The following SPRY4 variants were observed in gnomAD, a reference collection of about 807,000 sequenced individuals.
The protein encoded by SPRY4 is sprouty RTK signaling antagonist 4.
In SPRY4, 7 loss-of-function variants were observed where a neutral mutation model predicts 17.0. The ratio of observed to expected loss-of-function variants is 0.41; its 90% CI spans 0.23 to 0.77. The LOEUF (loss-of-function observed/expected upper bound fraction) is 0.77. Among genes scored for constraint, SPRY4 ranks in the 30% least tolerant of loss-of-function variants. The pLI is 0.32. For missense variants in SPRY4, 435 were observed against 419.9 expected (o/e 1.04, Z -0.31); for synonymous variants, 183 against 174.1 (o/e 1.05, Z -0.40).
At chr5:142,317,881 G>A in intron 1 of SPRY4, 2 of 985,384 alleles carry the variant, frequency 2.0e-6, no homozygotes, top group Non-Finnish European at 2.4e-6. Flanking sequence ...CCAGACATGG[G>A]GATGGGAGCT....
Position 142,314,874 on chromosome 5 carries a change from C to A in SPRY4, c.235G>T (p.Ala79Ser). Residue 79 changes from alanine to serine, a missense_variant, in exon 2 of 2, where the codon GCC (alanine) becomes TCC (serine). Physicochemically the swap from Ala to Ser is moderately conservative, Grantham distance 99. Coordinates refer to ENST00000434127, the MANE Select transcript of SPRY4 (RefSeq NM_001127496.3). This position sits in a 1 kb window ranked among gnomAD's most constrained non-coding sequence, Gnocchi z 4.8. ...TGGGTGACATCCTGGTCACAGCGGG[C>A]GGGCGTCGGGGCCAGCTCTGGGGCC... is the stretch of plus-strand genomic sequence containing the variant. ...GGAPELAPTP[A>S]RCDQDVTHHW... 1 of 1,595,658 alleles carries A rather than the reference C, an allele frequency of 6.3e-7. No homozygotes were observed. Among genetic ancestry groups the A allele is most frequent in the Non-Finnish European group, 8.6e-7 (1 of 1,168,920 alleles).
chr5:142,321,241 C>T (rs1759336438), intron 1 of SPRY4, among the ~76,000 whole-genome samples: 1 of 152,218 alleles, frequency 6.6e-6, no homozygotes, highest in Non-Finnish European at 1.5e-5. Flanking sequence ...CAATAATAAC[C>T]ATGAGCATGG....
chr5:142,324,738 G>C (rs756000450), intron 1 of SPRY4, 106 bp downstream of exon 1: 2 of 152,714 alleles, frequency 1.3e-5, no homozygotes, highest in Non-Finnish European at 2.9e-5. Context: ...AAGGAACACT[G>C]AGGCGCGCCT....
intron 1 of SPRY4, among the ~76,000 whole-genome samples, chr5:142,321,279 T>C (rs1047320952): frequency 6.6e-6 from 1 of 152,220 alleles, no homozygotes; most frequent in Non-Finnish European, 1.5e-5. Flanking sequence ...CACTAGCAGC[T>C]CTGCTGGCCT....
rs925832299 is a variant in SPRY4, at chr5:142,313,033, C to G, written c.*1176G>C. The G allele has an allele frequency of 6.6e-6, 1 of 152,604 alleles. No homozygotes were observed. The highest frequency in any genetic ancestry group is 1.5e-5 in the Non-Finnish European group (1 of 68,060). 9.5% of individuals were successfully genotyped at this position (152,604 alleles called of 1,614,324 possible). ...CATCACTATACACAAAAGGCTATGACAGTGAGCAGCAGAATCAGAAGAGAA... is the reference window on the plus strand; with the variant it reads ...CATCACTATACACAAAAGGCTATGAGAGTGAGCAGCAGAATCAGAAGAGAA... On this transcript the variant is annotated 3_prime_UTR_variant, in exon 2 of 2. Transcript: ENST00000434127.
rs1173208372 is a variant in SPRY4, at chr5:142,314,674, G to T, written c.435C>A (p.Gly145=). ...TGTCCAGCTCGGGTGGGACCGCCGGGCCCTTGAGGTCCAGCGGCTGGCAGT... is the reference window on the plus strand; with the variant it reads ...TGTCCAGCTCGGGTGGGACCGCCGGTCCCTTGAGGTCCAGCGGCTGGCAGT... ...VVHCQPLDLK[G]PAVPPELDKH... The change falls in exon 2 of 2, where the codon GGC becomes GGA. Residue 145 remains glycine (G), a synonymous_variant. Coordinates refer to ENST00000434127, the MANE Select transcript of SPRY4 (RefSeq NM_001127496.3). The surrounding 1 kb of genome is among the most constrained non-coding windows in gnomAD (Gnocchi z 4.8). 6.2e-7 allele frequency: 1 copy of T among 1,614,240 alleles called. No individual in the cohort carries two copies.
intron 1 of SPRY4, among the ~76,000 whole-genome samples, chr5:142,322,495 T>C (rs1759380520): frequency 6.9e-6 from 1 of 145,260 alleles, no homozygotes; most frequent in African/African-American, 2.5e-5. Context: ...TATATATATA[T>C]ATATATAAAT....
chr5:142,323,035 C>T lies in SPRY4; in HGVS notation c.-48+1809G>A, dbSNP rs137871684. 9.4e-5 allele frequency among the ~76,000 whole-genome samples: 13 copies of T among 138,288 alleles called. 1 individual carries two copies. Among genetic ancestry groups the T allele is most frequent in the Admixed American group, 3.7e-4 (5 of 13,344 alleles). The allele number at this position is 138,288 out of a possible 152,430, so 90.7% of individuals were successfully genotyped here. Reference sequence around the variant, plus strand: ...TGCCTCTCCTAGCTCTCCTGACACCCGCCCTAAAAAAAAAAAAAAAAAGGC... The same window carrying T: ...TGCCTCTCCTAGCTCTCCTGACACCTGCCCTAAAAAAAAAAAAAAAAAGGC... On this transcript the variant is annotated intron_variant, in intron 1 of 1. Coordinates refer to ENST00000434127, the MANE Select transcript of SPRY4 (RefSeq NM_001127496.3).
At chr5:142,322,976 G>C (rs1436847704) in intron 1 of SPRY4, among the ~76,000 whole-genome samples, 1 of 151,602 alleles carries the variant, frequency 6.6e-6, no homozygotes, top group African/African-American at 2.4e-5. Context: ...GAGACAGAGA[G>C]GGAGAGAGAA....
chr5:142,315,548 A>G (rs1481926657), intron 1 of SPRY4: 1 of 180,882 alleles, frequency 5.5e-6, no homozygotes, highest in Non-Finnish European at 1.2e-5. Flanking sequence ...GGGCAGCCTG[A>G]GTTCATTCTC....
chr5:142,314,590 G>A lies in SPRY4; in HGVS notation c.519C>T (p.Pro173=), dbSNP rs146642702. ...AGACCCAGCAGGAAGGCAACGTCCG[G>A]GGGGATGCACACTCCTTGCATTTAC... The part of the protein sequence containing the change: ...GKCKCKECAS[P]RTLPSCWVCN... The change falls in exon 2 of 2, where the codon CCC becomes CCT. Residue 173 remains proline (P), a synonymous_variant. Coordinates refer to ENST00000434127, the MANE Select transcript of SPRY4 (RefSeq NM_001127496.3). This position sits in a 1 kb window ranked among gnomAD's most constrained non-coding sequence, Gnocchi z 4.8. The A allele has an allele frequency of 4.3e-6, 7 of 1,614,230 alleles. No homozygotes were observed. The African/African-American group carries it at 8.0e-5, about 18-fold the overall frequency.
chr5:142,317,354 G>C (rs376498068), intron 1 of SPRY4: 2 of 985,320 alleles, frequency 2.0e-6, no homozygotes, highest in African/African-American at 3.5e-5. Flanking sequence ...CTGGAGGAAA[G>C]GGTGTGGCTT....
At chr5:142,320,161 T>G (rs2126998106) in intron 1 of SPRY4, among the ~76,000 whole-genome samples, 1 of 152,264 alleles carries the variant, frequency 6.6e-6, no homozygotes, top group African/African-American at 2.4e-5. Flanking sequence ...AAATAATGAC[T>G]TATTGCTTTA....
At chr5:142,321,635 T>A (rs1053380968) in intron 1 of SPRY4, among the ~76,000 whole-genome samples, 6 of 152,172 alleles carry the variant, frequency 3.9e-5, no homozygotes, top group African/African-American at 1.4e-4. Flanking sequence ...TGGGCGAGAA[T>A]CCTTAGCCAG....
At chr5:142,318,211 G>A (rs1001152851) in intron 1 of SPRY4, 66 of 981,182 alleles carry the variant, frequency 6.7e-5, no homozygotes, top group Non-Finnish European at 7.7e-5. Context: ...AAGGCCTGGC[G>A]CAGTGGCTCA....
In SPRY4 at chr5:142,311,914, A is replaced by T. The variant is rs1413232950; in HGVS notation, c.*2295T>A. 8.2e-6 allele frequency: 1 copy of T among 121,318 alleles called. No individual in the cohort carries two copies. Among genetic ancestry groups the T allele is most frequent in the African/African-American group, 3.0e-5 (1 of 33,136 alleles). The allele number at this position is 121,318 out of a possible 1,614,324, so 7.5% of individuals were successfully genotyped here. A position where few individuals can be genotyped will look rare whatever the true frequency, so the allele number is the denominator to read the frequency against. Reference sequence around the variant, plus strand: ...GCCAGGAAATAGGGTCTTTGTCGGTAGACAGTCAGTGTGGGGTAGGGGTGT... The same window carrying T: ...GCCAGGAAATAGGGTCTTTGTCGGTTGACAGTCAGTGTGGGGTAGGGGTGT... On this transcript the variant is annotated 3_prime_UTR_variant, in exon 2 of 2. Coordinates refer to ENST00000434127, the MANE Select transcript of SPRY4 (RefSeq NM_001127496.3).
rs1241703945 is a variant in SPRY4, at chr5:142,311,954, G to GTGTGTGTGTGTGTT, written c.*2254_*2255insAACACACACACACA. ...GGTAGGGGTGTGTGTGTGTGTGTGT[G>GTGTGTGTGTGTGTT]TGTGTGTATACACAGCTTATGTAAA... is the stretch of plus-strand genomic sequence containing the variant. On this transcript the variant is annotated 3_prime_UTR_variant, in exon 2 of 2. Transcript: ENST00000434127. 6.6e-6 allele frequency: 1 copy of GTGTGTGTGTGTGTT among 152,422 alleles called. No individual in the cohort carries two copies. The allele number at this position is 152,422 out of a possible 1,614,324, so 9.4% of individuals were successfully genotyped here. A position where few individuals can be genotyped will look rare whatever the true frequency, so the allele number is the denominator to read the frequency against.
chr5:142,314,335 C>T lies in SPRY4; in HGVS notation c.774G>A (p.Val258=). The T allele has an allele frequency of 6.2e-7, 1 of 1,614,090 alleles. No homozygotes were observed. Among genetic ancestry groups the T allele is most frequent in the South Asian group, 1.1e-5 (1 of 91,076 alleles). ...GGTCGTAGCCACGCTGGGCCAGCTT[C>T]ACGCAGCCGGTGGCAGGCAGGTAGC... The part of the protein sequence containing the change: ...LLCYLPATGC[V]KLAQRGYDRL... The change falls in exon 2 of 2, where the codon GTG becomes GTA. Residue 258 remains valine (V), a synonymous_variant. Transcript: ENST00000434127. This position sits in a 1 kb window ranked among gnomAD's most constrained non-coding sequence, Gnocchi z 4.8.
Position 142,314,866 on chromosome 5 carries a change from A to T in SPRY4, c.243T>A (p.Cys81Ter). The change falls in exon 2 of 2, where the codon TGT (cysteine) becomes TGA (stop). Residue 81 changes from cysteine (C) to a stop codon, truncating the protein, a stop_gained. Transcript: ENST00000434127. LOFTEE classifies it high-confidence loss of function. This position sits in a 1 kb window ranked among gnomAD's most constrained non-coding sequence, Gnocchi z 4.8. ...APELAPTPAR[C>*]DQDVTHHWIS... Reference sequence around the variant, plus strand: ...TCCAATGGTGGGTGACATCCTGGTCACAGCGGGCGGGCGTCGGGGCCAGCT... The same window carrying T: ...TCCAATGGTGGGTGACATCCTGGTCTCAGCGGGCGGGCGTCGGGGCCAGCT... 1 of 1,593,336 alleles carries T rather than the reference A, an allele frequency of 6.3e-7. No individual in the cohort carries two copies. Among genetic ancestry groups the T allele is most frequent in the Non-Finnish European group, 8.6e-7 (1 of 1,167,680 alleles).
Sources: allele counts gnomAD v4.1 joint callset (sites outside exome capture counted in the v4.1 genomes callset), GRCh38; gene constraint gnomAD v4.1.1; non-coding constraint Gnocchi (gnomAD v3.1); transcripts MANE v1.5; gene names NCBI Gene and HGNC (gene_info 2026-07-23, HGNC 2026-07-21).